THRB: variants seen among roughly 807,000 people sequenced by gnomAD.
THRB encodes the protein thyroid hormone receptor beta.
Under a neutral mutation model 47.8 loss-of-function variants are expected in THRB, and 12 were observed. The ratio of observed to expected loss-of-function variants is 0.25; its 90% CI spans 0.16 to 0.41. THRB has a LOEUF of 0.41. THRB is among the 10% of genes least tolerant of loss of function. The pLI is 1.00. For missense variants in THRB, 348 were observed against 589.2 expected, an observed-to-expected ratio of 0.59 and a Z score of 4.24; for synonymous variants, 218 against 212.2, an observed-to-expected ratio of 1.03 and a Z score of -0.24.
chr3:24,234,753 ATG>A (rs1419786003), intron 3 of THRB, among the ~76,000 whole-genome samples: 2 of 152,224 alleles, frequency 1.3e-5, no homozygotes, highest in East Asian at 3.8e-4. Context: ...CAATGGTGAT[ATG>A]TGAGTTTGGC....
At chr3:24,314,733 C>T (rs2057998841) in intron 2 of THRB, among the ~76,000 whole-genome samples, 1 of 152,168 alleles carries the variant, frequency 6.6e-6, no homozygotes, top group Non-Finnish European at 1.5e-5. Context: ...ACATGGAACA[C>T]CCCAAACCTT....
At chr3:24,258,470 T>C (rs1267829374) in intron 3 of THRB, among the ~76,000 whole-genome samples, 2 of 152,180 alleles carry the variant, frequency 1.3e-5, no homozygotes, top group African/African-American at 4.8e-5. Flanking sequence ...CCAGTTCTCA[T>C]GTGGCATTGA....
At chr3:24,356,016 C>T (rs955483506) in intron 1 of THRB, among the ~76,000 whole-genome samples, 1 of 152,120 alleles carries the variant, frequency 6.6e-6, no homozygotes, top group African/African-American at 2.4e-5. Flanking sequence ...CATCCTGAGG[C>T]AGAATTCTTC....
intron 6 of THRB, among the ~76,000 whole-genome samples, chr3:24,148,868 C>G (rs929933188): frequency 2.6e-5 from 4 of 152,102 alleles, no homozygotes; most frequent in African/African-American, 9.7e-5. Flanking sequence ...TATGCAAATC[C>G]CTTATCATTT....
At chr3:24,254,308 T>C (rs1235071249) in intron 3 of THRB, among the ~76,000 whole-genome samples, 1 of 142,326 alleles carries the variant, frequency 7.0e-6, no homozygotes, top group Non-Finnish European at 1.5e-5. Context: ...GGCAGGAGAA[T>C]GGTGTGAACC....
chr3:24,390,417 T>C (rs1445711729), intron 1 of THRB, among the ~76,000 whole-genome samples: 1 of 152,182 alleles, frequency 6.6e-6, no homozygotes, highest in Non-Finnish European at 1.5e-5. Context: ...GCATATATAA[T>C]ATTTACTTTT....
rs528878409 is a variant in THRB at position 24,148,608 on chromosome 3, C to T, written c.385-1786G>A. On this transcript the variant is annotated intron_variant, in intron 6 of 10. Coordinates refer to ENST00000646209, the MANE Select transcript of THRB (RefSeq NM_001354712.2). ...GTCTTCTGCTAAGGCCTAAAGGGGT[C>T]CTCTAACTTTGCTAGATAAATGGTG... 9.4e-4 allele frequency among the ~76,000 whole-genome samples: 143 copies of T among 152,248 alleles called. 3 individuals carry two copies. The highest frequency in any genetic ancestry group is 3.7e-3 in the Admixed American group (57 of 15,292).
At chr3:24,363,652 G>A (rs1487522700) in intron 1 of THRB, among the ~76,000 whole-genome samples, 2 of 152,112 alleles carry the variant, frequency 1.3e-5, no homozygotes, top group African/African-American at 4.8e-5. Flanking sequence ...TATATAAGCA[G>A]GAAACATCTT....
rs537802698 is a variant in THRB, at chr3:24,262,169, G to A, written c.-42-33168C>T. Among the ~76,000 whole-genome samples the A allele has an allele frequency of 5.9e-5, 9 of 152,202 alleles. No homozygotes were observed. The East Asian group carries it at 1.7e-3, about 29-fold the overall frequency. On this transcript the variant is annotated intron_variant, in intron 3 of 10. Transcript: ENST00000646209. ...CCTTAAAAGTCAAACAAACAAACTT[G>A]TTCCATCCTCTGTCTTCCTTAATCA...
chr3:24,174,093 C>T (rs890212708), intron 5 of THRB, among the ~76,000 whole-genome samples: 4 of 152,050 alleles, frequency 2.6e-5, no homozygotes, highest in Admixed American at 2.6e-4. Context: ...CATAGGTATA[C>T]GTGTGCCATG....
chr3:24,260,366 G>A (rs2051828563), intron 3 of THRB, among the ~76,000 whole-genome samples: 1 of 152,190 alleles, frequency 6.6e-6, no homozygotes, highest in Admixed American at 6.5e-5. Context: ...CTCTCACCAG[G>A]AGGCAAGTAG....
chr3:24,241,922 C>A (rs1296017749), intron 3 of THRB, among the ~76,000 whole-genome samples: 1 of 152,096 alleles, frequency 6.6e-6, no homozygotes, highest in Admixed American at 6.5e-5. Context: ...CTGCCCATCG[C>A]CACAAATTAG....
chr3:24,165,297 A>G, intron 5 of THRB: 1 of 765,106 alleles, frequency 1.3e-6, no homozygotes, highest in Non-Finnish European at 2.4e-6. Flanking sequence ...GACTGCATGT[A>G]GCAATTGCTG....
At chr3:24,212,859 C>T in intron 4 of THRB, among the ~76,000 whole-genome samples, 1 of 152,134 alleles carries the variant, frequency 6.6e-6, no homozygotes, top group East Asian at 1.9e-4. Flanking sequence ...TCTAATTTGT[C>T]CTCAAGATTA....
intron 9 of THRB, among the ~76,000 whole-genome samples, chr3:24,128,802 G>A (rs186425902): frequency 6.7e-6 from 1 of 149,150 alleles, no homozygotes; most frequent in East Asian, 2.0e-4. Flanking sequence ...TCATGGGTGA[G>A]GCTAGGATTT....
At chr3:24,250,089 A>C (rs555825600) in intron 3 of THRB, among the ~76,000 whole-genome samples, 5 of 152,140 alleles carry the variant, frequency 3.3e-5, no homozygotes, top group Admixed American at 6.5e-5. Context: ...TTTTTACACA[A>C]AATTCATAGT....
intron 1 of THRB, among the ~76,000 whole-genome samples, chr3:24,402,614 T>TAAA (rs2067507078): frequency 1.3e-5 from 2 of 151,396 alleles, no homozygotes; most frequent in South Asian, 4.2e-4. Context: ...ATATAAAATG[T>TAAA]ATCAATTAAA....
At chr3:24,365,403 CAAAT>C (rs2149689349) in intron 1 of THRB, among the ~76,000 whole-genome samples, 1 of 152,274 alleles carries the variant, frequency 6.6e-6, no homozygotes, top group African/African-American at 2.4e-5. Context: ...TTTATAAAAA[CAAAT>C]AAACTAAAGC....
intron 3 of THRB, among the ~76,000 whole-genome samples, chr3:24,288,678 C>T (rs559018543): frequency 5.3e-5 from 8 of 152,222 alleles, no homozygotes; most frequent in East Asian, 1.9e-4. Flanking sequence ...TTAAAATTCC[C>T]GGGTTGAATC....
Sources: allele counts gnomAD v4.1 joint callset (sites outside exome capture counted in the v4.1 genomes callset), GRCh38; gene constraint gnomAD v4.1.1; transcripts MANE v1.5; gene names NCBI Gene and HGNC (gene_info 2026-07-23, HGNC 2026-07-21).